Variants in ADAMTSL1 observed in about 807,000 individuals in gnomAD.
The protein encoded by ADAMTSL1 is ADAMTS-like protein 1.
ADAMTSL1 carries 126 observed loss-of-function variants against 201.8 expected under a neutral mutation model. The observed-to-expected ratio is 0.62, with a 90% CI of 0.54 to 0.72. The LOEUF is 0.72. Among genes scored for constraint, ADAMTSL1 ranks in the 30% least tolerant of loss-of-function variants. ADAMTSL1 has a pLI of 0.00. For synonymous variants in ADAMTSL1, 1,121 were observed against 903.4 expected (o/e 1.24, Z -4.32); for missense variants, 2,679 against 2,277.8 (o/e 1.18, Z -3.59).
At chr9:17,921,431 G>T (rs1301222504) in intron 1 of ADAMTSL1, among the ~76,000 whole-genome samples, 2 of 152,118 alleles carry the variant, frequency 1.3e-5, no homozygotes, top group Non-Finnish European at 2.9e-5. Flanking sequence ...TTCGCCTGTT[G>T]TTGTGTCCTT....
rs531772530 is a variant in ADAMTSL1 at position 18,303,892 on chromosome 9, C to A, written c.207+139911C>A. Among the ~76,000 whole-genome samples the A allele has an allele frequency of 7.9e-5, 12 of 152,254 alleles. No individual in the cohort carries two copies. The East Asian group carries it at 1.9e-3, about 24-fold the overall frequency. ...GCACCCTGCTATGCTGTCTTCCTTT[C>A]ATCCAACAGCCTTTCACTTCCTCCT... On this transcript the variant is annotated intron_variant, in intron 2 of 29. Coordinates refer to the ADAMTSL1 transcript ENST00000680146.
intron 2 of ADAMTSL1, among the ~76,000 whole-genome samples, chr9:18,406,342 T>TTCTTTTCTTTTCTTTTC (rs1818205449): frequency 6.7e-6 from 1 of 149,176 alleles, no homozygotes; most frequent in Non-Finnish European, 1.5e-5. Flanking sequence ...TTCTTTTCTT[T>TTCTTTTCTTTTCTTTTC]TTTTGACATG....
chr9:18,028,586 T>C (rs1032657828), intron 1 of ADAMTSL1, among the ~76,000 whole-genome samples: 10 of 152,154 alleles, frequency 6.6e-5, no homozygotes, highest in Non-Finnish European at 1.5e-4. Context: ...TGCGGCATTA[T>C]TTCTGAGGGC....
At chr9:17,946,649 C>T (rs928019269) in intron 1 of ADAMTSL1, among the ~76,000 whole-genome samples, 10 of 151,904 alleles carry the variant, frequency 6.6e-5, no homozygotes, top group Non-Finnish European at 1.5e-4. Context: ...TTTTTCCCAC[C>T]AGTAGAAGCT....
chr9:18,878,850 T>A (rs1485596933), intron 23 of ADAMTSL1, among the ~76,000 whole-genome samples: 2 of 152,076 alleles, frequency 1.3e-5, no homozygotes, highest in African/African-American at 4.8e-5. Flanking sequence ...TTTCGAAGCT[T>A]GGAGGAGAGG....
chr9:18,094,825 C>T (rs753902370), intron 1 of ADAMTSL1, among the ~76,000 whole-genome samples: 4 of 150,724 alleles, frequency 2.7e-5, no homozygotes, highest in African/African-American at 7.3e-5. Flanking sequence ...CTCAGCCTCC[C>T]AAAGTACCTG....
At chr9:18,284,712 A>T (rs1027440839) in intron 2 of ADAMTSL1, among the ~76,000 whole-genome samples, 1 of 152,222 alleles carries the variant, frequency 6.6e-6, no homozygotes, top group Non-Finnish European at 1.5e-5. Flanking sequence ...TCATAACCCA[A>T]AGATAATACT....
At chr9:18,645,308 A>G (rs1037210254) in intron 7 of ADAMTSL1, among the ~76,000 whole-genome samples, 2 of 152,038 alleles carry the variant, frequency 1.3e-5, no homozygotes, top group East Asian at 1.9e-4. Context: ...AGATGAGTAG[A>G]TTGTTAAAAT....
chr9:17,961,573 A>G (rs1281330347), intron 1 of ADAMTSL1, among the ~76,000 whole-genome samples: 2 of 152,074 alleles, frequency 1.3e-5, no homozygotes, highest in African/African-American at 2.4e-5. Context: ...AGATGATGAA[A>G]GGTGGTGGTG....
At chr9:18,851,021 T>G (rs1826460323) in intron 23 of ADAMTSL1, among the ~76,000 whole-genome samples, 1 of 152,220 alleles carries the variant, frequency 6.6e-6, no homozygotes, top group Non-Finnish European at 1.5e-5. Context: ...TTCTCTTCCT[T>G]GTTGAAAAAT....
chr9:18,908,464 G>A lies in ADAMTSL1; in HGVS notation c.5205G>A (p.Arg1735=), dbSNP rs145995717. The part of the protein sequence containing the change: ...CENMECRDTT[R]YCEKVKQLKL... ...CAGTGGAGTGCAGAGACACCACCAG[G>A]TACTGCGAGAAGGTGAAACAGCTGA... The change falls in exon 29 of 29, where the codon AGG becomes AGA. Residue 1735 remains arginine, a synonymous_variant. Coordinates refer to ENST00000380548, the MANE Select transcript of ADAMTSL1 (RefSeq NM_001040272.6). 6.4e-7 allele frequency: 1 copy of A among 1,560,208 alleles called. No individual in the cohort carries two copies. Among genetic ancestry groups the A allele is most frequent in the Non-Finnish European group, 8.7e-7 (1 of 1,152,180 alleles).
chr9:18,209,989 ATGTT>A (rs1350973810), intron 2 of ADAMTSL1, among the ~76,000 whole-genome samples: 1 of 152,132 alleles, frequency 6.6e-6, no homozygotes, highest in African/African-American at 2.4e-5. Flanking sequence ...TGTTATATGT[ATGTT>A]TATGTCTCTG....
In ADAMTSL1 at chr9:18,658,526, A is replaced by G. The variant is rs917152097; in HGVS notation, c.946+776A>G. On this transcript the variant is annotated intron_variant, in intron 8 of 28. Coordinates refer to ENST00000380548, the MANE Select transcript of ADAMTSL1 (RefSeq NM_001040272.6). Reference sequence around the variant, plus strand: ...TTAGACTTAGGCTCAGTTATTTTTCAACTCCACCCCATCATCCATGCATTA... The same window carrying G: ...TTAGACTTAGGCTCAGTTATTTTTCGACTCCACCCCATCATCCATGCATTA... Among the ~76,000 whole-genome samples, 4 of 152,204 alleles carry G rather than the reference A, an allele frequency of 2.6e-5. No homozygotes were observed. In the East Asian group the frequency reaches 7.7e-4, roughly 29 times the overall value.
At chr9:18,262,877 G>C (rs184834693) in intron 2 of ADAMTSL1, among the ~76,000 whole-genome samples, 1 of 152,194 alleles carries the variant, frequency 6.6e-6, no homozygotes, top group African/African-American at 2.4e-5. Context: ...CACACTGAAA[G>C]AACACATCAT....
chr9:18,097,737 G>A (rs1824317531), intron 1 of ADAMTSL1, among the ~76,000 whole-genome samples: 1 of 152,148 alleles, frequency 6.6e-6, no homozygotes, highest in Non-Finnish European at 1.5e-5. Context: ...CCTTTTGTGA[G>A]ACTTTTACAG....
intron 2 of ADAMTSL1, among the ~76,000 whole-genome samples, chr9:18,414,596 A>C (rs779950181): frequency 3.9e-5 from 6 of 152,202 alleles, no homozygotes; most frequent in Non-Finnish European, 8.8e-5. Flanking sequence ...CAATTGCTCT[A>C]ACTTACTTCC....
chr9:18,180,673 G>T (rs1299028443), intron 2 of ADAMTSL1, among the ~76,000 whole-genome samples: 4 of 152,222 alleles, frequency 2.6e-5, no homozygotes, highest in East Asian at 1.9e-4. Context: ...ATGCTCATGG[G>T]TAGGAAGAAT....
At chr9:18,568,027 C>G (rs948907081) in intron 3 of ADAMTSL1, among the ~76,000 whole-genome samples, 13 of 152,090 alleles carry the variant, frequency 8.5e-5, no homozygotes, top group African/African-American at 2.9e-4. Context: ...TGTGATCTCT[C>G]TTTCATTCTC....
intron 2 of ADAMTSL1, among the ~76,000 whole-genome samples, chr9:18,257,982 G>C (rs989655217): frequency 3.9e-5 from 6 of 152,158 alleles, no homozygotes; most frequent in Non-Finnish European, 7.3e-5. Context: ...AGGAGTTATT[G>C]TTTCCTGGGT....
Sources: gnomAD v4.1 joint callset for allele counts (sites outside exome capture counted in the v4.1 genomes callset) on GRCh38, gnomAD v4.1.1 for gene constraint, MANE v1.5 for transcripts, NCBI Gene and HGNC (gene_info 2026-07-23, HGNC 2026-07-21) for gene names.